The following CDC42SE2 variants were observed in gnomAD, a reference collection of about 807,000 sequenced individuals.
CDC42SE2 encodes the protein CDC42 small effector 2, also known as CDC42 small effector protein 2.
Under a neutral mutation model 11.5 loss-of-function variants are expected in CDC42SE2, and 3 were observed. The ratio of observed to expected loss-of-function variants is 0.26; its 90% CI spans 0.12 to 0.67. The LOEUF is 0.67. Ranked by LOEUF, CDC42SE2 falls within the 30% of genes least tolerant of loss-of-function variation. The probability of loss-of-function intolerance (pLI) is 0.80; values close to 1 mark genes in which losing one functional copy is unlikely to be tolerated. For synonymous variants in CDC42SE2, 33 were observed against 34.8 expected, an observed-to-expected ratio of 0.95 and a Z score of 0.18; for missense variants, 82 against 106.8, an observed-to-expected ratio of 0.77 and a Z score of 1.02.
chr5:131,245,460 A>C (rs926078182), upstream of CDC42SE2: 2 of 152,212 alleles, frequency 1.3e-5, no homozygotes, highest in African/African-American at 4.8e-5. Flanking sequence ...GAAGAAAAAA[A>C]AATACTTAGT....
chr5:131,324,576 A>G lies in CDC42SE2; in HGVS notation c.-286+8432A>G, dbSNP rs541222300. Among the ~76,000 whole-genome samples, 44 of 152,362 alleles carry G rather than the reference A, an allele frequency of 2.9e-4. No homozygotes were observed. The South Asian group carries it at 8.9e-3, about 31-fold the overall frequency. On this transcript the variant is annotated intron_variant, in intron 2 of 4. Transcript: ENST00000505065. The stretch of plus-strand genomic sequence containing the variant: ...CAGCATTCCAGAAATCAGGGCAGGC[A>G]CTGGTCTCATGTGGGACTGAGCTAA...
chr5:131,357,231 A>G (rs1749577984), intron 2 of CDC42SE2, among the ~76,000 whole-genome samples: 2 of 152,334 alleles, frequency 1.3e-5, no homozygotes, highest in Middle Eastern at 3.4e-3. Flanking sequence ...TTAATGGCAA[A>G]AATGTAAACT....
At chr5:131,220,061 T>C in the CDC42SE2 span, among the ~76,000 whole-genome samples, 3 of 152,194 alleles carry the variant, frequency 2.0e-5, no homozygotes, top group Non-Finnish European at 2.9e-5. Context: ...TGCCAATATG[T>C]TTGATCAGGG....
intron 2 of CDC42SE2, among the ~76,000 whole-genome samples, chr5:131,343,791 A>G (rs1456151397): frequency 2.0e-5 from 3 of 152,044 alleles, no homozygotes; most frequent in Non-Finnish European, 4.4e-5. Context: ...AGAAAGAGGA[A>G]GATTATTAAA....
the CDC42SE2 span, among the ~76,000 whole-genome samples, chr5:131,240,126 G>T: frequency 6.6e-6 from 1 of 152,122 alleles, no homozygotes; most frequent in Non-Finnish European, 1.5e-5. Flanking sequence ...GGAATTTTCT[G>T]TCTTTCTTAT....
intron 1 of CDC42SE2, among the ~76,000 whole-genome samples, chr5:131,296,986 A>G (rs1448231862): frequency 6.6e-6 from 1 of 152,102 alleles, no homozygotes; most frequent in Admixed American, 6.5e-5. Flanking sequence ...CAGCATATTT[A>G]TTAAAACTAA....
At chr5:131,313,310 C>T (rs1035537121) in intron 1 of CDC42SE2, among the ~76,000 whole-genome samples, 1 of 152,190 alleles carries the variant, frequency 6.6e-6, no homozygotes, top group South Asian at 2.1e-4. Context: ...TGTTTGGATG[C>T]CTTTTATTTC....
At chr5:131,272,802 TTTTTTC>T (rs1757021243) in intron 1 of CDC42SE2, among the ~76,000 whole-genome samples, 3 of 152,212 alleles carry the variant, frequency 2.0e-5, no homozygotes, top group Admixed American at 1.3e-4. Context: ...ACAATCTGCT[TTTTTTC>T]TCTTTCATTC....
At chr5:131,278,568 C>A (rs1245483320) in intron 1 of CDC42SE2, among the ~76,000 whole-genome samples, 1 of 151,114 alleles carries the variant, frequency 6.6e-6, no homozygotes, top group African/African-American at 2.4e-5. Context: ...GCATGGCAGA[C>A]TGCAGAAGCT....
intron 2 of CDC42SE2, among the ~76,000 whole-genome samples, chr5:131,317,200 T>C (rs1446652072): frequency 6.6e-6 from 1 of 152,188 alleles, no homozygotes; most frequent in Non-Finnish European, 1.5e-5. Flanking sequence ...AGACTTCCAG[T>C]ATGTAACACA....
intron 2 of CDC42SE2, among the ~76,000 whole-genome samples, chr5:131,338,121 A>G (rs1561589925): frequency 6.6e-6 from 1 of 152,204 alleles, no homozygotes. Context: ...ACATTTTTTA[A>G]AAAGTTATTA....
chr5:131,356,466 TAGA>T (rs1279297897), intron 2 of CDC42SE2, among the ~76,000 whole-genome samples: 1 of 152,206 alleles, frequency 6.6e-6, no homozygotes. Flanking sequence ...AGCAAGAAGA[TAGA>T]AGATGTATTG....
intron 2 of CDC42SE2, among the ~76,000 whole-genome samples, chr5:131,335,967 C>T (rs111327844): frequency 1.1e-3 from 164 of 152,326 alleles, no homozygotes; most frequent in African/African-American, 3.5e-3. Flanking sequence ...AGCCCATTTA[C>T]ATTTAAGGTT....
chr5:131,301,861 C>G (rs1002048197), intron 1 of CDC42SE2, among the ~76,000 whole-genome samples: 2 of 152,226 alleles, frequency 1.3e-5, no homozygotes, highest in Non-Finnish European at 2.9e-5. Flanking sequence ...AAGCCCCCTT[C>G]CCTTTCTGAT....
At chr5:131,226,625 C>T in the CDC42SE2 span, among the ~76,000 whole-genome samples, 7 of 152,188 alleles carry the variant, frequency 4.6e-5, no homozygotes, top group African/African-American at 1.7e-4. Context: ...AGGACCAAAG[C>T]ACCGCTATGG....
At chr5:131,359,818 G>A (rs1199811107) in intron 3 of CDC42SE2, among the ~76,000 whole-genome samples, 1 of 152,110 alleles carries the variant, frequency 6.6e-6, no homozygotes, top group African/African-American at 2.4e-5. Flanking sequence ...AATAGTGAGA[G>A]AAAAAGGAGA....
At chr5:131,251,711 A>G (rs1286522850) in intron 1 of CDC42SE2, among the ~76,000 whole-genome samples, 1 of 152,170 alleles carries the variant, frequency 6.6e-6, no homozygotes, top group Non-Finnish European at 1.5e-5. Context: ...AACTGTTCCA[A>G]TTAATAAAAA....
intron 2 of CDC42SE2, among the ~76,000 whole-genome samples, chr5:131,332,218 T>G (rs970833258): frequency 6.6e-6 from 1 of 152,172 alleles, no homozygotes. Flanking sequence ...ACATGCGGTG[T>G]TTGGTTTTTT....
At chr5:131,357,871 C>A (rs149928941) in intron 2 of CDC42SE2, among the ~76,000 whole-genome samples, 29 of 152,192 alleles carry the variant, frequency 1.9e-4, no homozygotes, top group African/African-American at 6.8e-4. Flanking sequence ...CTGTTGCCAG[C>A]GCCACACTGT....
Sources: allele counts gnomAD v4.1 joint callset (sites outside exome capture counted in the v4.1 genomes callset), GRCh38; gene constraint gnomAD v4.1.1; transcripts MANE v1.5; gene names NCBI Gene and HGNC (gene_info 2026-07-23, HGNC 2026-07-21).